The following DENND3 variants were observed in gnomAD, a reference collection of about 807,000 sequenced individuals.
The protein encoded by DENND3 is DENN domain containing 3.
DENND3 carries 88 observed loss-of-function variants against 135.1 expected under a neutral mutation model. The ratio of observed to expected loss-of-function variants is 0.65; its 90% CI spans 0.55 to 0.78. DENND3 has a LOEUF of 0.78. Ranked by LOEUF, DENND3 falls within the 30% of genes least tolerant of loss-of-function variation. The pLI is 0.00. For missense variants in DENND3, 1,392 were observed against 1,688.4 expected (o/e 0.82, Z 3.08); for synonymous variants, 693 against 712.3 (o/e 0.97, Z 0.43).
In DENND3 at chr8:141,146,903, G is replaced by C. The variant is rs147674625; in HGVS notation, c.735+2644G>C. 3.5e-3 allele frequency among the ~76,000 whole-genome samples: 536 copies of C among 152,282 alleles called. 2 individuals carry two copies. Among genetic ancestry groups the C allele is most frequent in the African/African-American group, 0.012 (515 of 41,552 alleles). On this transcript the variant is annotated intron_variant, in intron 5 of 22. Transcript: ENST00000519811. This position sits in a 1 kb window ranked among gnomAD's most constrained non-coding sequence, Gnocchi z 4.3. Reference sequence around the variant, plus strand: ...GTAAACGCAGCAAGTATTTACTGAGGGCCTGTGAGATCCGTGAACAGAGCC... The same window carrying C: ...GTAAACGCAGCAAGTATTTACTGAGCGCCTGTGAGATCCGTGAACAGAGCC...
chr8:141,190,362 G>A lies in DENND3; in HGVS notation c.3324G>A (p.Gln1108=). The change falls in exon 20 of 23, where the codon CAG becomes CAA. Residue 1108 remains glutamine, a synonymous_variant. Coordinates refer to ENST00000519811, the MANE Select transcript of DENND3 (RefSeq NM_001352890.3). ...CACTGCAGGTGACCAGCCGCTTCCA[G>A]CTGCCGCGAGGTGGCCTGACGTCCA... The part of the protein sequence containing the change: ...VSTLQVTSRF[Q]LPRGGLTSIR... 6.2e-7 allele frequency: 1 copy of A among 1,613,288 alleles called. No homozygotes were observed. Among genetic ancestry groups the A allele is most frequent in the Non-Finnish European group, 8.5e-7 (1 of 1,179,880 alleles).
chr8:141,171,604 T>A (rs1821569295), intron 13 of DENND3, among the ~76,000 whole-genome samples: 1 of 152,242 alleles, frequency 6.6e-6, no homozygotes, highest in Non-Finnish European at 1.5e-5. Flanking sequence ...TGTGTCTACG[T>A]GGGCGTGTGC....
chr8:141,151,602 GCGGGTTCTC>G lies in DENND3; in HGVS notation c.856-15_856-7del. On this transcript the variant is annotated splice_region_variant and splice_polypyrimidine_tract_variant and intron_variant, in intron 6 of 22. Coordinates refer to ENST00000519811, the MANE Select transcript of DENND3 (RefSeq NM_001352890.3). ...TTTTTAAAAGCATGTACTCAGTGCG[GCGGGTTCTC>G]CCCTCAGATCCTGACATGCATCCTG... 1 of 1,611,214 alleles carries G rather than the reference GCGGGTTCTC, an allele frequency of 6.2e-7. No individual in the cohort carries two copies. Among genetic ancestry groups the G allele is most frequent in the East Asian group, 2.2e-5 (1 of 44,834 alleles).
intron 16 of DENND3, among the ~76,000 whole-genome samples, chr8:141,178,419 C>T (rs1204715782): frequency 1.3e-5 from 2 of 152,228 alleles, no homozygotes; most frequent in Non-Finnish European, 2.9e-5. Flanking sequence ...ATTGAGGCAC[C>T]TCGTCGTTTT....
At chr8:141,190,619 C>A in intron 20 of DENND3, 2 of 711,024 alleles carry the variant, frequency 2.8e-6, no homozygotes, top group African/African-American at 1.8e-5. Flanking sequence ...CCTCCCTCTG[C>A]CTTTCTACCC....
chr8:141,160,759 ACCCTG>A lies in DENND3; in HGVS notation c.1326_1330del (p.Leu443AlafsTer16), dbSNP rs1820039463. On this transcript the variant is annotated frameshift_variant, in exon 9 of 23. Coordinates refer to ENST00000519811, the MANE Select transcript of DENND3 (RefSeq NM_001352890.3). LOFTEE classifies it high-confidence loss of function. The stretch of plus-strand genomic sequence containing the variant: ...ACTCAACTGCCAGATACAGCAGACC[ACCCTG>A]CAGCTGCTCGTGAGCATCTTCAGGT... 1.2e-6 allele frequency: 2 copies of A among 1,612,132 alleles called. No individual in the cohort carries two copies. The highest frequency in any genetic ancestry group is 1.3e-5 in the African/African-American group (1 of 74,888).
In DENND3 at chr8:141,162,352, C is replaced by T. The variant is rs1341160470; in HGVS notation, c.1353-981C>T. Among the ~76,000 whole-genome samples the T allele has an allele frequency of 4.6e-5, 7 of 152,116 alleles. No individual in the cohort carries two copies. The East Asian group carries it at 1.4e-3, about 29-fold the overall frequency. ...GAAAAGCAGAATAGTCCCAGCCACT[C>T]CAGAGGCTGAGGTGGGAGGATCCCT... On this transcript the variant is annotated intron_variant, in intron 9 of 22. Coordinates refer to ENST00000519811, the MANE Select transcript of DENND3 (RefSeq NM_001352890.3).
At position 141,138,218 on chromosome 8, in the gene DENND3, C is replaced by A; in HGVS notation, c.501+81C>A. ...GAAATACACATAACACAACATTCAC[C>A]ATTCTAACCATTTTAAAGTGTGCAG... On this transcript the variant is annotated intron_variant, in intron 3 of 22. Transcript: ENST00000519811. The surrounding 1 kb of genome is among the most constrained non-coding windows in gnomAD (Gnocchi z 4.8). The A allele has an allele frequency of 7.3e-7, 1 of 1,369,512 alleles. No homozygotes were observed. Among genetic ancestry groups the A allele is most frequent in the Non-Finnish European group, 1.0e-6 (1 of 987,084 alleles). The allele number at this position is 1,369,512 out of a possible 1,614,324, so 84.8% of individuals were successfully genotyped here.
Position 141,144,157 on chromosome 8 carries a change from T to C in DENND3, c.633T>C (p.Ala211=), listed in dbSNP as rs888572996. ...GTGTTTCGAATTTCAGTTTATTGGC[T>C]CTTCTGAAGCCCTGTAAAGATTTTG... ...SLKDCLSCLL[A]LLKPCKDFEV... Residue 211 remains alanine, a synonymous_variant, in exon 5 of 23, where the codon GCT becomes GCC. Transcript: ENST00000519811. The surrounding 1 kb of genome is among the most constrained non-coding windows in gnomAD (Gnocchi z 4.4). 1 of 1,608,320 alleles carries C rather than the reference T, an allele frequency of 6.2e-7. No homozygotes were observed. Among genetic ancestry groups the C allele is most frequent in the Non-Finnish European group, 8.5e-7 (1 of 1,178,686 alleles).
At position 141,131,362 on chromosome 8, in the gene DENND3, A is replaced by G. The variant is rs181753735; in HGVS notation, c.102+2553A>G. ...AAGTGTTCTGAGTACCTTGCGTAGT[A>G]CAGGTCACCCGCATAATTCTTGCGT... On this transcript the variant is annotated intron_variant, in intron 1 of 22. Coordinates refer to ENST00000519811, the MANE Select transcript of DENND3 (RefSeq NM_001352890.3). 3.3e-3 allele frequency among the ~76,000 whole-genome samples: 509 copies of G among 152,334 alleles called. 6 individuals carry two copies. Among genetic ancestry groups the G allele is most frequent in the African/African-American group, 0.011 (477 of 41,572 alleles).
chr8:141,195,225 T>G lies in DENND3; in HGVS notation c.*992T>G, dbSNP rs547895883. On this transcript the variant is annotated 3_prime_UTR_variant, in exon 23 of 23. Coordinates refer to ENST00000519811, the MANE Select transcript of DENND3 (RefSeq NM_001352890.3). ...TTTTACTGTAATGTTGAGACTTCAT[T>G]ACTTAAATGTTCTACGGAAGGTTCT... 6.6e-6 allele frequency: 1 copy of G among 152,364 alleles called. No individual in the cohort carries two copies. The highest frequency in any genetic ancestry group is 1.5e-5 in the Non-Finnish European group (1 of 68,080). 9.4% of individuals were successfully genotyped at this position (152,364 alleles called of 1,614,324 possible). A position where few individuals can be genotyped will look rare whatever the true frequency, so the allele number is the denominator to read the frequency against.
chr8:141,165,885 C>G (rs1167006100), intron 11 of DENND3, among the ~76,000 whole-genome samples: 1 of 152,096 alleles, frequency 6.6e-6, no homozygotes, highest in African/African-American at 2.4e-5. Context: ...CTTCCCACCT[C>G]CCCCCATCCT....
At chr8:141,179,423 G>A (rs966491401) in intron 16 of DENND3, among the ~76,000 whole-genome samples, 12 of 152,206 alleles carry the variant, frequency 7.9e-5, no homozygotes, top group South Asian at 4.1e-4. Flanking sequence ...TGTTATCAGC[G>A]CATGACGGCA....
In DENND3 at chr8:141,183,591, T is replaced by C. The variant is rs573139958; in HGVS notation, c.2945-1548T>C. Among the ~76,000 whole-genome samples the C allele has an allele frequency of 1.4e-3, 212 of 151,884 alleles. 1 individual carries two copies. Among genetic ancestry groups the C allele is most frequent in the African/African-American group, 4.5e-3 (185 of 41,352 alleles). ...TTTTAAAAAGAAGACACTTTTTTTT[T>C]CCTCCTTTCAAATGAGCTGGTTTAA... On this transcript the variant is annotated intron_variant, in intron 17 of 22. Coordinates refer to ENST00000519811, the MANE Select transcript of DENND3 (RefSeq NM_001352890.3).
chr8:141,190,830 G>A (rs930091046), intron 20 of DENND3, among the ~76,000 whole-genome samples: 38 of 152,304 alleles, frequency 2.5e-4, no homozygotes, highest in East Asian at 7.7e-4. Flanking sequence ...TGTTCCCCTC[G>A]GCTGCTTGGC....
chr8:141,159,038 G>A (rs1369620762), intron 8 of DENND3, among the ~76,000 whole-genome samples: 1 of 152,198 alleles, frequency 6.6e-6, no homozygotes, highest in African/African-American at 2.4e-5. Flanking sequence ...GGCCAGTTTG[G>A]TGCTGGTAAA....
intron 1 of DENND3, among the ~76,000 whole-genome samples, chr8:141,134,123 T>C (rs1816484657): frequency 6.6e-6 from 1 of 152,034 alleles, no homozygotes; most frequent in Non-Finnish European, 1.5e-5. Flanking sequence ...TGCTCACTCA[T>C]CTCATATGCT....
Position 141,136,680 on chromosome 8 carries a change from A to G in DENND3, c.274A>G (p.Arg92Gly). 2.5e-6 allele frequency: 4 copies of G among 1,613,354 alleles called. No individual in the cohort carries two copies. The highest frequency in any genetic ancestry group is 2.5e-6 in the Non-Finnish European group (3 of 1,179,760). ...CTTGAGAAAGAAGAGAGAGAAGCCC[A>G]GACCAGAGCAGTGGAAGGGCCTCCC... ...RSLRKKREKP[R>G]PEQWKGLPGP... The change falls in exon 2 of 23, where the codon AGA (arginine) becomes GGA (glycine). Residue 92 changes from arginine (R) to glycine (G), a missense_variant. Physicochemically the swap from Arg to Gly is moderately radical, Grantham distance 125. Transcript: ENST00000519811.
At chr8:141,193,902 C>A in intron 22 of DENND3, 131 bp from the exon 23 acceptor site, 2 of 1,038,062 alleles carry the variant, frequency 1.9e-6, no homozygotes, top group African/African-American at 1.6e-5. Flanking sequence ...GACCCTCAGG[C>A]GGCAGAGGCC....
Sources: allele counts gnomAD v4.1 joint callset (sites outside exome capture counted in the v4.1 genomes callset), GRCh38; gene constraint gnomAD v4.1.1; non-coding constraint Gnocchi (gnomAD v3.1); transcripts MANE v1.5; gene names NCBI Gene and HGNC (gene_info 2026-07-23, HGNC 2026-07-21).